EML4: variants seen among roughly 807,000 people sequenced by gnomAD.
EML4 encodes echinoderm microtubule-associated protein-like 4.
Under a neutral mutation model 129.0 loss-of-function variants are expected in EML4, and 72 were observed. The observed-to-expected ratio is 0.56, with a 90% CI of 0.46 to 0.68. EML4 has a LOEUF of 0.68. Among genes scored for constraint, EML4 ranks in the 30% least tolerant of loss-of-function variants. EML4 has a pLI of 0.00. For synonymous variants in EML4, 532 were observed against 405.0 expected, an observed-to-expected ratio of 1.31 and a Z score of -3.77; for missense variants, 1,363 against 1,190.6, an observed-to-expected ratio of 1.14 and a Z score of -2.13.
chr2:42,284,543 A>T, intron 8 of EML4, 91 bp from the exon 9 acceptor site: 1 of 785,742 alleles, frequency 1.3e-6, no homozygotes, highest in Non-Finnish European at 2.0e-6. Flanking sequence ...TTTAACGATT[A>T]AAAACTGCTT....
chr2:42,189,348 C>G (rs1159362475), intron 1 of EML4, among the ~76,000 whole-genome samples: 1 of 152,112 alleles, frequency 6.6e-6, no homozygotes, highest in Non-Finnish European at 1.5e-5. Flanking sequence ...TGTTTCAGGC[C>G]TTTATCATGT....
intron 17 of EML4, among the ~76,000 whole-genome samples, chr2:42,306,309 C>T (rs1282986767): frequency 3.3e-5 from 5 of 152,076 alleles, no homozygotes; most frequent in Admixed American, 3.3e-4. Flanking sequence ...AATGGTTAAG[C>T]ACACAGGAAA....
intron 1 of EML4, among the ~76,000 whole-genome samples, chr2:42,210,072 T>G (rs1267174453): frequency 2.0e-5 from 3 of 152,244 alleles, no homozygotes; most frequent in African/African-American, 7.2e-5. Context: ...TATCTTATAT[T>G]AGTATGGTAC....
chr2:42,215,320 T>C (rs1020800170), intron 1 of EML4, among the ~76,000 whole-genome samples: 2 of 152,190 alleles, frequency 1.3e-5, no homozygotes, highest in Non-Finnish European at 2.9e-5. Flanking sequence ...CCCAAAGTGC[T>C]GGGATTATAG....
intron 1 of EML4, among the ~76,000 whole-genome samples, chr2:42,188,256 A>G (rs1671378395): frequency 6.6e-6 from 1 of 152,186 alleles, no homozygotes. Flanking sequence ...TTCAATTAAA[A>G]TTTTTATATA....
chr2:42,236,955 C>T (rs1674717044), intron 1 of EML4, among the ~76,000 whole-genome samples: 1 of 152,084 alleles, frequency 6.6e-6, no homozygotes, highest in Admixed American at 6.6e-5. Context: ...ATTTATGTTT[C>T]CTTTTCTATG....
intron 1 of EML4, among the ~76,000 whole-genome samples, chr2:42,201,662 C>A (rs1672240064): frequency 6.6e-6 from 1 of 152,154 alleles, no homozygotes; most frequent in Non-Finnish European, 1.5e-5. Context: ...GGGGGAAAGC[C>A]TGTCATTTGC....
chr2:42,202,890 G>C (rs924698895), intron 1 of EML4, among the ~76,000 whole-genome samples: 1 of 152,034 alleles, frequency 6.6e-6, no homozygotes, highest in African/African-American at 2.4e-5. Flanking sequence ...TAGCCTGGTG[G>C]GGTGGTGTAT....
At chr2:42,214,691 A>C (rs964539379) in intron 1 of EML4, among the ~76,000 whole-genome samples, 2 of 152,096 alleles carry the variant, frequency 1.3e-5, no homozygotes, top group African/African-American at 4.8e-5. Context: ...ATGCAGCTGG[A>C]GGGTCGTACC....
At chr2:42,251,715 C>G (rs1181347570) in intron 2 of EML4, among the ~76,000 whole-genome samples, 1 of 152,164 alleles carries the variant, frequency 6.6e-6, no homozygotes, top group Non-Finnish European at 1.5e-5. Context: ...ATGGAGAATT[C>G]AAGATAAATA....
chr2:42,309,423 A>C (rs1204663297), intron 17 of EML4, among the ~76,000 whole-genome samples: 1 of 139,310 alleles, frequency 7.2e-6, no homozygotes, highest in Non-Finnish European at 1.6e-5. Flanking sequence ...AAACCAAAAC[A>C]ACCACCACAA....
chr2:42,307,744 C>T (rs1668691580), intron 17 of EML4, among the ~76,000 whole-genome samples: 1 of 152,226 alleles, frequency 6.6e-6, no homozygotes, highest in Non-Finnish European at 1.5e-5. Flanking sequence ...ACCTCTGCCT[C>T]CCAGGCTCAA....
In EML4 at chr2:42,250,165, A is replaced by G. The variant is rs1279150108; in HGVS notation, c.208+4478A>G. Among the ~76,000 whole-genome samples the G allele has an allele frequency of 2.6e-5, 4 of 152,250 alleles. No homozygotes were observed. The East Asian group carries it at 7.7e-4, about 29-fold the overall frequency. On this transcript the variant is annotated intron_variant, in intron 2 of 22. Transcript: ENST00000318522. ...TTAAATTTATCTGAAGTTGGCAGTC[A>G]GTCATGTAAACCAGGAAACTGCTGG...
chr2:42,197,270 C>A (rs1671947478), intron 1 of EML4, among the ~76,000 whole-genome samples: 1 of 152,030 alleles, frequency 6.6e-6, no homozygotes, highest in Admixed American at 6.6e-5. Flanking sequence ...TGCCATATTC[C>A]CAGGCTGGTC....
At chr2:42,186,234 C>T (rs929411404) in intron 1 of EML4, among the ~76,000 whole-genome samples, 5 of 152,020 alleles carry the variant, frequency 3.3e-5, no homozygotes, top group Non-Finnish European at 2.9e-5. Context: ...AAGGAGATGC[C>T]GAACTACGTT....
intron 10 of EML4, among the ~76,000 whole-genome samples, chr2:42,287,522 C>G (rs754072472): frequency 6.6e-6 from 1 of 152,128 alleles, no homozygotes; most frequent in Non-Finnish European, 1.5e-5. Flanking sequence ...CAGTGCCTCT[C>G]ACTCTTCACT....
At chr2:42,225,184 C>G (rs1208297024) in intron 1 of EML4, among the ~76,000 whole-genome samples, 2 of 152,056 alleles carry the variant, frequency 1.3e-5, no homozygotes, top group African/African-American at 4.8e-5. Context: ...GCTTTCCACC[C>G]CTTGGCTGTT....
Position 42,288,224 on chromosome 2 carries a change from T to G in EML4, c.1123-3T>G, listed in dbSNP as rs780604300. 1 of 1,315,814 alleles carries G rather than the reference T, an allele frequency of 7.6e-7. No homozygotes were observed. The highest frequency in any genetic ancestry group is 1.4e-5 in the South Asian group (1 of 73,258). The allele number at this position is 1,315,814 out of a possible 1,614,324, so 81.5% of individuals were successfully genotyped here. On this transcript the variant is annotated splice_polypyrimidine_tract_variant and splice_region_variant and intron_variant, in intron 10 of 22. Coordinates refer to ENST00000318522, the MANE Select transcript of EML4 (RefSeq NM_019063.5). ...AAAATGCCTCTGATTGACTTTTCTTTAGGATTCAGGTGTTCATTTATGTAT... is the reference window on the plus strand; with the variant it reads ...AAAATGCCTCTGATTGACTTTTCTTGAGGATTCAGGTGTTCATTTATGTAT...
chr2:42,299,910 A>G (rs1354342788), intron 13 of EML4, among the ~76,000 whole-genome samples: 1 of 152,112 alleles, frequency 6.6e-6, no homozygotes, highest in Non-Finnish European at 1.5e-5. Context: ...GGTTTCAAAC[A>G]TCTGACCTCA....
Sources: allele counts gnomAD v4.1 joint callset (sites outside exome capture counted in the v4.1 genomes callset), GRCh38; gene constraint gnomAD v4.1.1; transcripts MANE v1.5; gene names NCBI Gene and HGNC (gene_info 2026-07-23, HGNC 2026-07-21).